The following TRAPPC9 variants were observed in gnomAD, a reference collection of about 807,000 sequenced individuals.
TRAPPC9 encodes the protein trafficking protein particle complex subunit 9.
A neutral mutation model predicts 124.0 loss-of-function variants in TRAPPC9; 83 were observed. That is an observed-to-expected ratio of 0.67 (90% CI 0.56 to 0.80). The LOEUF is 0.80. Ranked by LOEUF, TRAPPC9 falls within the 30% of genes least tolerant of loss-of-function variation. The pLI is 0.00. For missense variants in TRAPPC9, 1,302 were observed against 1,508.3 expected (o/e 0.86, Z 2.27); for synonymous variants, 638 against 617.5 (o/e 1.03, Z -0.49).
Position 139,788,710 on chromosome 8 carries a change from T to C in TRAPPC9, c.3056-56508A>G, listed in dbSNP as rs1822451074. 6.6e-6 allele frequency among the ~76,000 whole-genome samples: 1 copy of C among 152,114 alleles called. No individual in the cohort carries two copies. Among genetic ancestry groups the C allele is most frequent in the South Asian group, 2.1e-4 (1 of 4,822 alleles). On this transcript the variant is annotated intron_variant, in intron 21 of 22. Transcript: ENST00000438773. This position sits in a 1 kb window ranked among gnomAD's most constrained non-coding sequence, Gnocchi z 4.9. ...CGCAGAGTCGAGTTACCATCACGCC[T>C]GCCTTCGTGGGCGCAGGCTGAGCAC... is the stretch of plus-strand genomic sequence containing the variant.
rs559229001 is a variant in TRAPPC9, at chr8:139,897,792, T to C, written c.2965-11823A>G. 3.9e-5 allele frequency among the ~76,000 whole-genome samples: 6 copies of C among 152,324 alleles called. No individual in the cohort carries two copies. The East Asian group carries it at 1.2e-3, about 29-fold the overall frequency. ...CCAGACTCCTCCCATGAATCCGTGTTTCCAGCATAACCAGCCTGAAGTCCA... is the reference window on the plus strand; with the variant it reads ...CCAGACTCCTCCCATGAATCCGTGTCTCCAGCATAACCAGCCTGAAGTCCA... On this transcript the variant is annotated intron_variant, in intron 20 of 22. Coordinates refer to ENST00000438773, the MANE Select transcript of TRAPPC9 (RefSeq NM_001160372.4).
chr8:140,361,504 T>G (rs1163679254), intron 8 of TRAPPC9, among the ~76,000 whole-genome samples: 1 of 152,204 alleles, frequency 6.6e-6, no homozygotes, highest in Non-Finnish European at 1.5e-5. Context: ...AAGGCTTCAG[T>G]GCAATAACCC....
chr8:140,446,763 C>T (rs1473379739), intron 2 of TRAPPC9, among the ~76,000 whole-genome samples: 1 of 152,066 alleles, frequency 6.6e-6, no homozygotes, highest in African/African-American at 2.4e-5. Flanking sequence ...CCATGTTGAC[C>T]TCAGGTGATC....
At chr8:140,364,292 C>CAAAAAAAAAAAA (rs34616334) in intron 8 of TRAPPC9, among the ~76,000 whole-genome samples, 1 of 53,064 alleles carries the variant, frequency 1.9e-5, no homozygotes, top group East Asian at 6.1e-4. Context: ...TCAAAGGATG[C>CAAAAAAAAAAAA]AAAAAAAAAA....
At chr8:140,373,451 T>C (rs1328263206) in intron 7 of TRAPPC9, among the ~76,000 whole-genome samples, 1 of 152,212 alleles carries the variant, frequency 6.6e-6, no homozygotes, top group African/African-American at 2.4e-5. Context: ...AAGCTGGTCC[T>C]CATGCCCTTC....
chr8:140,388,565 C>T (rs1563991413), intron 7 of TRAPPC9, among the ~76,000 whole-genome samples: 1 of 152,048 alleles, frequency 6.6e-6, no homozygotes, highest in Non-Finnish European at 1.5e-5. Flanking sequence ...TGCCTGTAAT[C>T]CCAGCTACTC....
intron 15 of TRAPPC9, among the ~76,000 whole-genome samples, chr8:140,254,894 G>T (rs571151351): frequency 6.6e-6 from 1 of 152,312 alleles, no homozygotes; most frequent in South Asian, 2.1e-4. Context: ...GTAAAGTCCT[G>T]GTCGGAAGAC....
intron 16 of TRAPPC9, among the ~76,000 whole-genome samples, chr8:140,231,417 TTTG>T (rs2063589916): frequency 6.6e-6 from 1 of 151,642 alleles, no homozygotes; most frequent in African/African-American, 2.4e-5. Context: ...AGAAAAGCAG[TTTG>T]TTGCTAGGCT....
intron 17 of TRAPPC9, among the ~76,000 whole-genome samples, chr8:140,155,027 C>T (rs114024177): frequency 0.065 from 9,928 of 152,234 alleles, 367 homozygotes; most frequent in African/African-American, 0.077. Flanking sequence ...GTGAGTTTCA[C>T]CCGGACAGGC....
chr8:139,902,482 A>C (rs549200647), intron 20 of TRAPPC9, among the ~76,000 whole-genome samples: 1 of 152,334 alleles, frequency 6.6e-6, no homozygotes, highest in East Asian at 1.9e-4. Context: ...AACAGCTATA[A>C]AAGCCAAATT....
chr8:139,779,138 T>C (rs954459520), intron 21 of TRAPPC9, among the ~76,000 whole-genome samples: 1 of 152,120 alleles, frequency 6.6e-6, no homozygotes, highest in Non-Finnish European at 1.5e-5. Flanking sequence ...GGAATGAAGA[T>C]AAGAATGACA....
intron 13 of TRAPPC9, among the ~76,000 whole-genome samples, chr8:140,285,069 T>C (rs1455912931): frequency 1.3e-5 from 2 of 152,226 alleles, no homozygotes; most frequent in African/African-American, 4.8e-5. Flanking sequence ...AACTGCCATA[T>C]AAACCCAAAA....
intron 21 of TRAPPC9, among the ~76,000 whole-genome samples, chr8:139,852,671 C>T (rs1252501061): frequency 4.6e-5 from 7 of 152,200 alleles, no homozygotes; most frequent in Admixed American, 1.3e-4. Flanking sequence ...TATCTTCCAT[C>T]GGGCAGCACA....
At chr8:140,376,284 C>T (rs1307268469) in intron 7 of TRAPPC9, among the ~76,000 whole-genome samples, 8 of 151,864 alleles carry the variant, frequency 5.3e-5, no homozygotes, top group African/African-American at 1.9e-4. Flanking sequence ...AGGCCGGGCG[C>T]GGTGGCTCAC....
At chr8:140,150,820 A>ACC (rs10691422) in intron 17 of TRAPPC9, among the ~76,000 whole-genome samples, 69,999 of 151,600 alleles carry the variant, frequency 0.46, 16,249 homozygotes, top group Middle Eastern at 0.52. Flanking sequence ...AGGCTCGGCC[A>ACC]CCCCTCTGTC....
chr8:140,144,281 A>G (rs2061424494), intron 17 of TRAPPC9, among the ~76,000 whole-genome samples: 1 of 152,216 alleles, frequency 6.6e-6, no homozygotes, highest in Non-Finnish European at 1.5e-5. Flanking sequence ...GTAAGTTGAC[A>G]TCTTCAAAAT....
At chr8:140,056,085 A>T (rs573125923) in intron 17 of TRAPPC9, among the ~76,000 whole-genome samples, 10 of 152,240 alleles carry the variant, frequency 6.6e-5, no homozygotes, top group African/African-American at 1.9e-4. Context: ...CTTTCTGATT[A>T]AAAAATGTAT....
At chr8:140,232,802 C>T (rs140199260) in intron 16 of TRAPPC9, among the ~76,000 whole-genome samples, 9 of 152,138 alleles carry the variant, frequency 5.9e-5, no homozygotes, top group Non-Finnish European at 8.8e-5. Flanking sequence ...AATTAACATA[C>T]GTTATTTTAG....
At chr8:139,928,946 G>A (rs61392495) in intron 19 of TRAPPC9, among the ~76,000 whole-genome samples, 393 of 151,992 alleles carry the variant, frequency 2.6e-3, no homozygotes, top group African/African-American at 8.9e-3. Flanking sequence ...CTAAGACAAC[G>A]CCTTGCAAGC....
Sources: allele counts gnomAD v4.1 joint callset (sites outside exome capture counted in the v4.1 genomes callset), GRCh38; gene constraint gnomAD v4.1.1; non-coding constraint Gnocchi (gnomAD v3.1); transcripts MANE v1.5; gene names NCBI Gene and HGNC (gene_info 2026-07-23, HGNC 2026-07-21).